The following ITGB3BP variants were observed in gnomAD, a reference collection of about 807,000 sequenced individuals.
ITGB3BP encodes integrin subunit beta 3 binding protein.
In ITGB3BP, 27 loss-of-function variants were observed where a neutral mutation model predicts 29.1. The ratio of observed to expected loss-of-function variants is 0.93; its 90% CI spans 0.68 to 1.28. The LOEUF (loss-of-function observed/expected upper bound fraction) is 1.28, where lower values mean the gene tolerates loss of function less well. Ranked by LOEUF, ITGB3BP falls within the 50% of genes most tolerant of loss-of-function variation. The pLI is 0.00. For synonymous variants in ITGB3BP, 61 were observed against 61.4 expected, an observed-to-expected ratio of 0.99 and a Z score of 0.03; for missense variants, 192 against 200.2, an observed-to-expected ratio of 0.96 and a Z score of 0.25.
intron 4 of ITGB3BP, among the ~76,000 whole-genome samples, chr1:63,462,371 C>T (rs1280219155): frequency 2.0e-5 from 3 of 152,156 alleles, no homozygotes; most frequent in Non-Finnish European, 4.4e-5. Flanking sequence ...GCTTCTTGTG[C>T]ACTCTTGGGA....
chr1:63,465,284 G>A (rs1372976361), intron 4 of ITGB3BP, among the ~76,000 whole-genome samples: 2 of 152,104 alleles, frequency 1.3e-5, no homozygotes, highest in East Asian at 1.9e-4. Flanking sequence ...GACTCTGGGG[G>A]AGTGTTCAGG....
intron 3 of ITGB3BP, among the ~76,000 whole-genome samples, chr1:63,482,129 C>T (rs529164049): frequency 5.3e-5 from 8 of 151,670 alleles, no homozygotes; most frequent in East Asian, 1.9e-4. Flanking sequence ...AAAAATTACC[C>T]GCGCCTGGTG....
chr1:63,468,929 TAGTCCCAGCTACTCGGGAGCCTG>T (rs1449779013), intron 4 of ITGB3BP, among the ~76,000 whole-genome samples: 1 of 151,880 alleles, frequency 6.6e-6, no homozygotes, highest in Non-Finnish European at 1.5e-5. Flanking sequence ...TGTGTGCTTG[TAGTCCCAGCTACTCGGGAGCCTG>T]AGGCAGGAGG....
chr1:63,471,328 C>T lies in ITGB3BP; in HGVS notation c.254+7436G>A, dbSNP rs191333975. ...CCCAGGCTGGAGTGCAGTGGTGGCA[C>T]GATCTCGGCTCACTGCAAGTTCACG... On this transcript the variant is annotated intron_variant, in intron 4 of 8. Coordinates refer to ENST00000271002, the MANE Select transcript of ITGB3BP (RefSeq NM_014288.5). Among the ~76,000 whole-genome samples, 391 of 147,898 alleles carry T rather than the reference C, an allele frequency of 2.6e-3. 1 individual carries two copies. Among genetic ancestry groups the T allele is most frequent in the Non-Finnish European group, 4.6e-3 (311 of 67,456 alleles).
At chr1:63,453,109 TTG>T (rs1307646352) in intron 7 of ITGB3BP, among the ~76,000 whole-genome samples, 3 of 152,202 alleles carry the variant, frequency 2.0e-5, no homozygotes, top group Admixed American at 1.3e-4. Flanking sequence ...TTAATATTTT[TTG>T]TGTCTTCGTT....
intron 3 of ITGB3BP, among the ~76,000 whole-genome samples, chr1:63,488,297 T>C (rs1423112173): frequency 1.3e-5 from 2 of 151,700 alleles, no homozygotes; most frequent in Non-Finnish European, 3.0e-5. Flanking sequence ...GCTAAAGTAG[T>C]GTAAAAAAGG....
intron 8 of ITGB3BP, among the ~76,000 whole-genome samples, chr1:63,445,216 G>A (rs1195903685): frequency 2.6e-5 from 4 of 152,096 alleles, no homozygotes; most frequent in Non-Finnish European, 1.5e-5. Flanking sequence ...AATACAGGAG[G>A]TGGAGGTTTC....
intron 4 of ITGB3BP, chr1:63,458,251 C>T (rs1458182025): frequency 1.3e-5 from 2 of 152,114 alleles, no homozygotes; most frequent in Non-Finnish European, 2.9e-5. Flanking sequence ...TGTACCAGTT[C>T]TGGGTTCTTC....
intron 1 of ITGB3BP, among the ~76,000 whole-genome samples, chr1:63,521,584 C>T (rs184232894): frequency 6.6e-6 from 1 of 152,210 alleles, no homozygotes; most frequent in East Asian, 1.9e-4. Context: ...ATAGTCCCAG[C>T]ACATTGGGAG....
chr1:63,491,315 A>G (rs1645640583), intron 2 of ITGB3BP, among the ~76,000 whole-genome samples: 1 of 152,226 alleles, frequency 6.6e-6, no homozygotes, highest in South Asian at 2.1e-4. Flanking sequence ...CTTAAGGAGT[A>G]TCTACCAAAA....
Position 63,478,759 on chromosome 1 carries a change from CT to C in ITGB3BP, c.254+4del. 7.3e-7 allele frequency: 1 copy of C among 1,376,408 alleles called. No homozygotes were observed. Among genetic ancestry groups the C allele is most frequent in the Non-Finnish European group, 1.0e-6 (1 of 1,003,852 alleles). 85.3% of individuals were successfully genotyped at this position (1,376,408 alleles called of 1,614,324 possible). On this transcript the variant is annotated splice_donor_region_variant and intron_variant, in intron 4 of 8. Coordinates refer to ENST00000271002, the MANE Select transcript of ITGB3BP (RefSeq NM_014288.5). ...CATATATAATTTCAAAAATAACAAA[CT>C]TACTCATCATTGTCTTTTGTTGTAG...
chr1:63,464,993 A>C (rs977785782), intron 4 of ITGB3BP, among the ~76,000 whole-genome samples: 1 of 152,320 alleles, frequency 6.6e-6, no homozygotes, highest in East Asian at 1.9e-4. Context: ...TGAATCCTGC[A>C]TCAAGAGAAA....
At chr1:63,455,283 TAAAA>T (rs1348419456) in intron 4 of ITGB3BP, among the ~76,000 whole-genome samples, 1 of 151,706 alleles carries the variant, frequency 6.6e-6, no homozygotes, top group South Asian at 2.1e-4. Flanking sequence ...CTTTTTAAAA[TAAAA>T]AAAGTTTTAT....
Position 63,468,862 on chromosome 1 carries a change from A to AAAATAAATAAATAAAT in ITGB3BP, c.254+9886_254+9901dup, listed in dbSNP as rs71045901. On this transcript the variant is annotated intron_variant, in intron 4 of 8. Transcript: ENST00000271002. The stretch of plus-strand genomic sequence containing the variant: ...GGCAATAAGAGCAAAACTCTGTCTC[A>AAAATAAATAAATAAAT]AAATAAATAAATAAATAAATAAATA... 1.6e-3 allele frequency among the ~76,000 whole-genome samples: 218 copies of AAAATAAATAAATAAAT among 139,376 alleles called. 2 individuals are homozygous for AAAATAAATAAATAAAT. Among genetic ancestry groups the AAAATAAATAAATAAAT allele is most frequent in the Middle Eastern group, 3.5e-3 (1 of 284 alleles). The allele number at this position is 139,376 out of a possible 152,430, so 91.4% of individuals were successfully genotyped here.
intron 2 of ITGB3BP, among the ~76,000 whole-genome samples, chr1:63,498,773 A>G (rs1645851724): frequency 6.6e-6 from 1 of 151,548 alleles, no homozygotes; most frequent in African/African-American, 2.4e-5. Context: ...AATAGTCAGT[A>G]TTTTGAGAAG....
At chr1:63,472,140 T>C (rs890246140) in intron 4 of ITGB3BP, among the ~76,000 whole-genome samples, 2 of 151,884 alleles carry the variant, frequency 1.3e-5, no homozygotes, top group Non-Finnish European at 1.5e-5. Context: ...AAAGTTCTCA[T>C]AATAAATTGG....
chr1:63,457,646 A>T (rs1570139419), intron 4 of ITGB3BP: 1 of 152,200 alleles, frequency 6.6e-6, no homozygotes, highest in South Asian at 2.1e-4. Context: ...GAGTAAAAGT[A>T]TCATCATTGG....
intron 1 of ITGB3BP, among the ~76,000 whole-genome samples, chr1:63,513,004 C>T (rs1390513722): frequency 6.6e-6 from 1 of 151,988 alleles, no homozygotes; most frequent in African/African-American, 2.4e-5. Flanking sequence ...TGATATTTCC[C>T]CATGATTAGG....
chr1:63,459,301 G>A lies in ITGB3BP; in HGVS notation c.255-4333C>T, dbSNP rs556803272. Reference sequence around the variant, plus strand: ...AGTATTCTAATACAGCATTCTCAAAGGCCACAAATACACTACTAATTAATT... The same window carrying A: ...AGTATTCTAATACAGCATTCTCAAAAGCCACAAATACACTACTAATTAATT... On this transcript the variant is annotated intron_variant, in intron 4 of 8. Transcript: ENST00000271002. 2.8e-3 allele frequency among the ~76,000 whole-genome samples: 422 copies of A among 152,046 alleles called. 5 individuals carry two copies. The highest frequency in any genetic ancestry group is 0.024 in the Middle Eastern group (7 of 292).
Sources: gnomAD v4.1 joint callset for allele counts (sites outside exome capture counted in the v4.1 genomes callset) on GRCh38, gnomAD v4.1.1 for gene constraint, MANE v1.5 for transcripts, NCBI Gene and HGNC (gene_info 2026-07-23, HGNC 2026-07-21) for gene names.